Variants in ZDHHC11B observed in about 807,000 individuals in gnomAD.
ZDHHC11B encodes zDHHC palmitoyltransferase 11B (putative).
A neutral mutation model predicts 42.3 loss-of-function variants in ZDHHC11B; 17 were observed. The ratio of observed to expected loss-of-function variants is 0.40; its 90% CI spans 0.27 to 0.60. The LOEUF (loss-of-function observed/expected upper bound fraction) is 0.60, where lower values mean the gene tolerates loss of function less well. Among genes scored for constraint, ZDHHC11B ranks in the 20% least tolerant of loss-of-function variants. ZDHHC11B has a pLI of 0.41. For synonymous variants in ZDHHC11B, 123 were observed against 193.5 expected, an observed-to-expected ratio of 0.64 and a Z score of 3.02; for missense variants, 262 against 463.2, an observed-to-expected ratio of 0.57 and a Z score of 3.99.
chr5:765,118 A>G (rs1735094144), intron 4 of ZDHHC11B, among the ~76,000 whole-genome samples: 1 of 131,328 alleles, frequency 7.6e-6, no homozygotes, highest in Non-Finnish European at 1.7e-5. Flanking sequence ...AAATACACCA[A>G]TCAGCACCCT....
chr5:777,324 G>C lies in ZDHHC11B; in HGVS notation c.-230+7344C>G, dbSNP rs140302968. 3.6e-4 allele frequency among the ~76,000 whole-genome samples: 54 copies of C among 151,938 alleles called. 2 individuals are homozygous for C. The East Asian group carries it at 0.01, about 29-fold the overall frequency. ...GCTTCAATTCAGACCTCAGTGGTGA[G>C]TGTTACTTACGCCTCTCAGAGACAG... is the stretch of plus-strand genomic sequence containing the variant. On this transcript the variant is annotated intron_variant, in intron 1 of 13. Transcript: ENST00000508859.
At chr5:759,070 T>A (rs1488817184) in intron 4 of ZDHHC11B, among the ~76,000 whole-genome samples, 1 of 152,024 alleles carries the variant, frequency 6.6e-6, no homozygotes, top group African/African-American at 2.4e-5. Context: ...TAGTGTTTTA[T>A]GTTCCAATGA....
chr5:730,275 C>T (rs1235906664), intron 12 of ZDHHC11B, among the ~76,000 whole-genome samples, 159 bp downstream of exon 12: 2 of 151,806 alleles, frequency 1.3e-5, no homozygotes, highest in Non-Finnish European at 2.9e-5. Context: ...TGCAATAAGC[C>T]ACATGAATGG....
Position 711,987 on chromosome 5 carries a change from A to G in ZDHHC11B, c.*303T>C, listed in dbSNP as rs1561107234. 7.4e-6 allele frequency: 1 copy of G among 135,092 alleles called. No individual in the cohort carries two copies. The highest frequency in any genetic ancestry group is 2.9e-5 in the African/African-American group (1 of 35,058). 8.4% of individuals were successfully genotyped at this position (135,092 alleles called of 1,614,324 possible). A position where few individuals can be genotyped will look rare whatever the true frequency, so the allele number is the denominator to read the frequency against. On this transcript the variant is annotated 3_prime_UTR_variant, in exon 14 of 14. Transcript: ENST00000508859. ...GGCTGGCTGGACAGCACAGTTAAGC[A>G]GGTGGCTGCATCCTCTGCAGTTGCT...
At chr5:769,953 A>G (rs867005413) in intron 1 of ZDHHC11B, among the ~76,000 whole-genome samples, 4 of 151,982 alleles carry the variant, frequency 2.6e-5, no homozygotes, top group Non-Finnish European at 5.9e-5. Context: ...CCGAGGTCTG[A>G]CCAGCACCAC....
At chr5:715,755 T>G (rs1342491852) in intron 13 of ZDHHC11B, among the ~76,000 whole-genome samples, 1 of 151,278 alleles carries the variant, frequency 6.6e-6, no homozygotes, top group Admixed American at 6.6e-5. Context: ...CTGCAAAATT[T>G]TCACAGGATT....
At chr5:738,659 G>A (rs1164500735) in intron 10 of ZDHHC11B, among the ~76,000 whole-genome samples, 1 of 136,824 alleles carries the variant, frequency 7.3e-6, no homozygotes, top group Non-Finnish European at 1.6e-5. Flanking sequence ...ACTGCCAATC[G>A]ATCTTCAACA....
chr5:769,526 C>A lies in ZDHHC11B; in HGVS notation c.-229-596G>T, dbSNP rs1173495225. On this transcript the variant is annotated intron_variant, in intron 1 of 13. Transcript: ENST00000508859. ...TGGCATGGTGGAGCTGGGTGAAAGACCACCAGCAGGCATGCGGGTGAGAGC... is the reference window on the plus strand; with the variant it reads ...TGGCATGGTGGAGCTGGGTGAAAGAACACCAGCAGGCATGCGGGTGAGAGC... Among the ~76,000 whole-genome samples, 30 of 151,938 alleles carry A rather than the reference C, an allele frequency of 2.0e-4. 1 individual carries two copies. Among genetic ancestry groups the A allele is most frequent in the African/African-American group, 7.0e-4 (29 of 41,460 alleles).
intron 4 of ZDHHC11B, among the ~76,000 whole-genome samples, chr5:756,466 G>C (rs1337622457): frequency 1.3e-5 from 2 of 151,834 alleles, no homozygotes; most frequent in African/African-American, 2.4e-5. Flanking sequence ...ACACAGCCCT[G>C]TGCCAGTCGG....
At chr5:748,759 C>G (rs1299912401) in intron 7 of ZDHHC11B, among the ~76,000 whole-genome samples, 200 bp from the exon 8 acceptor site, 1 of 129,950 alleles carries the variant, frequency 7.7e-6, no homozygotes, top group East Asian at 3.2e-4. Context: ...TTCATGATCC[C>G]TGCTTTATGG....
chr5:764,765 A>T (rs1260077450), intron 4 of ZDHHC11B, among the ~76,000 whole-genome samples: 1 of 151,954 alleles, frequency 6.6e-6, no homozygotes, highest in Non-Finnish European at 1.5e-5. Context: ...CGGGACTGGC[A>T]GGCAGCTCCA....
chr5:750,076 T>A lies in ZDHHC11B; in HGVS notation c.628+1057A>T, dbSNP rs375894562. Among the ~76,000 whole-genome samples, 102 of 103,494 alleles carry A rather than the reference T, an allele frequency of 9.9e-4. 1 individual carries two copies. Among genetic ancestry groups the A allele is most frequent in the African/African-American group, 3.4e-3 (100 of 29,782 alleles). The allele number at this position is 103,494 out of a possible 152,430, so 67.9% of individuals were successfully genotyped here. On this transcript the variant is annotated intron_variant, in intron 7 of 13. Transcript: ENST00000508859. Reference sequence around the variant, plus strand: ...ATGTTCTGGAACAAGGGCAGGCAAGTCCTCCCTGTCTCACCACCCGGGCTG... The same window carrying A: ...ATGTTCTGGAACAAGGGCAGGCAAGACCTCCCTGTCTCACCACCCGGGCTG...
At chr5:728,964 G>A (rs2126994939) in intron 12 of ZDHHC11B, among the ~76,000 whole-genome samples, 1 of 149,946 alleles carries the variant, frequency 6.7e-6, no homozygotes, top group African/African-American at 2.4e-5. Flanking sequence ...AGTGAGCTGA[G>A]ATTGTGCCAC....
rs552147295 is a variant in ZDHHC11B, at chr5:710,767, G to T, written c.*1523C>A. On this transcript the variant is annotated 3_prime_UTR_variant, in exon 14 of 14. Coordinates refer to ENST00000508859, the MANE Select transcript of ZDHHC11B (RefSeq NM_001351303.2). ...ATGCTATGCTCCATTTCCCAGTGCT[G>T]TGAGCTCCCATTTCCCAGTACTGTG... 4.2e-5 allele frequency: 6 copies of T among 143,360 alleles called. No homozygotes were observed. The highest frequency in any genetic ancestry group is 7.5e-5 in the Non-Finnish European group (5 of 66,366). The allele number at this position is 143,360 out of a possible 1,614,324, so 8.9% of individuals were successfully genotyped here.
intron 10 of ZDHHC11B, among the ~76,000 whole-genome samples, chr5:738,840 A>C (rs1176330609): frequency 6.6e-6 from 1 of 150,770 alleles, no homozygotes; most frequent in Admixed American, 6.6e-5. Context: ...ACAAGATATC[A>C]TCAGAAAAAC....
chr5:731,910 G>A (rs1743045006), intron 11 of ZDHHC11B: 1 of 152,340 alleles, frequency 6.6e-6, no homozygotes, highest in Non-Finnish European at 1.5e-5. Flanking sequence ...TGGTTATGCA[G>A]CTGCTGCAGC....
At chr5:719,337 C>T (rs1333837590) in intron 12 of ZDHHC11B, among the ~76,000 whole-genome samples, 2 of 151,796 alleles carry the variant, frequency 1.3e-5, no homozygotes, top group East Asian at 1.9e-4. Context: ...TCTGTGAAAG[C>T]TCAGACATTT....
chr5:730,618 G>C, intron 11 of ZDHHC11B, 150 bp from the exon 12 acceptor site: 1 of 899,920 alleles, frequency 1.1e-6, no homozygotes, highest in Non-Finnish European at 1.6e-6. Flanking sequence ...GATCTCAGTG[G>C]TGGCACAGCA....
At chr5:742,138 T>C (rs1164140453) in intron 9 of ZDHHC11B, among the ~76,000 whole-genome samples, 3 of 123,724 alleles carry the variant, frequency 2.4e-5, no homozygotes, top group African/African-American at 8.8e-5. Flanking sequence ...TTCAAATCTT[T>C]TGCCCATTTT....
Sources: gnomAD v4.1 joint callset for allele counts (sites outside exome capture counted in the v4.1 genomes callset) on GRCh38, gnomAD v4.1.1 for gene constraint, MANE v1.5 for transcripts, NCBI Gene and HGNC (gene_info 2026-07-23, HGNC 2026-07-21) for gene names.